FYCO1: variants seen among roughly 807,000 people sequenced by gnomAD.
The protein encoded by FYCO1 is FYVE and coiled-coil domain autophagy adaptor 1.
In FYCO1, 122 loss-of-function variants were observed where a neutral mutation model predicts 165.1. That is an observed-to-expected ratio of 0.74 (90% CI 0.64 to 0.86). The LOEUF (loss-of-function observed/expected upper bound fraction) is 0.86, where lower values mean the gene tolerates loss of function less well. Ranked by LOEUF, FYCO1 falls within the 40% of genes least tolerant of loss-of-function variation. FYCO1 has a pLI of 0.00. For synonymous variants in FYCO1, 648 were observed against 742.5 expected (o/e 0.87, Z 2.07); for missense variants, 1,702 against 1,810.3 (o/e 0.94, Z 1.09).
At chr3:45,961,690 C>G (rs1705702736) in intron 11 of FYCO1, among the ~76,000 whole-genome samples, 1 of 152,046 alleles carries the variant, frequency 6.6e-6, no homozygotes, top group African/African-American at 2.4e-5. Context: ...TCAAAATAAT[C>G]TGGGAAGGTG....
At chr3:45,930,924 G>A (rs963951806) in intron 16 of FYCO1, 147 bp downstream of exon 16, 2 of 774,986 alleles carry the variant, frequency 2.6e-6, no homozygotes, top group Non-Finnish European at 4.5e-6. Context: ...CAGGTGCTCT[G>A]CCTTCTCTGC....
chr3:45,975,416 A>C (rs1706704788), intron 4 of FYCO1, 71 bp from the exon 5 acceptor site: 15 of 1,194,988 alleles, frequency 1.3e-5, no homozygotes, highest in Non-Finnish European at 1.9e-5. Flanking sequence ...GGTCTCATAG[A>C]TGGCTTGTGA....
intron 6 of FYCO1, among the ~76,000 whole-genome samples, chr3:45,970,657 G>A (rs527257396): frequency 1.3e-5 from 2 of 152,188 alleles, no homozygotes; most frequent in Non-Finnish European, 2.9e-5. Context: ...AACTGGCACT[G>A]TTAGCATAAA....
In FYCO1 at chr3:45,967,952, C is replaced by A; in HGVS notation, c.1382G>T (p.Gly461Val). The change falls in exon 8 of 18, where the codon GGG becomes GTG. Residue 461 changes from glycine (G) to valine (V), a missense_variant. Transcript: ENST00000296137. ...EMAPLQEELS[G>V]KGQEADQLWR... The stretch of plus-strand genomic sequence containing the variant: ...GAGCTGGTCTGCCTCCTGTCCCTTC[C>A]CAGACAACTCCTCCTGGAGTGGGGC... 5 of 1,614,142 alleles carry A rather than the reference C, an allele frequency of 3.1e-6. No homozygotes were observed. In the South Asian group the frequency reaches 4.4e-5, roughly 14 times the overall value.
chr3:45,954,143 C>T (rs559616719), intron 14 of FYCO1, among the ~76,000 whole-genome samples: 3 of 152,142 alleles, frequency 2.0e-5, no homozygotes, highest in Non-Finnish European at 2.9e-5. Context: ...GCCCATAGGC[C>T]GCATGCAGCC....
intron 13 of FYCO1, 100 bp from the exon 14 acceptor site, chr3:45,955,493 G>A (rs1394891699): frequency 7.6e-7 from 1 of 1,323,442 alleles, no homozygotes; most frequent in East Asian, 2.3e-5. Context: ...CAGCTATGCA[G>A]AACAAGCTGC....
At chr3:45,951,917 A>G (rs1705056460) in intron 14 of FYCO1, among the ~76,000 whole-genome samples, 1 of 152,208 alleles carries the variant, frequency 6.6e-6, no homozygotes, top group Non-Finnish European at 1.5e-5. Flanking sequence ...AACTGTGTAC[A>G]TGTGCGAAAG....
Position 45,967,484 on chromosome 3 carries a change from G to A in FYCO1, c.1850C>T (p.Ala617Val). 1.2e-6 allele frequency: 2 copies of A among 1,613,620 alleles called. No individual in the cohort carries two copies. Residue 617 changes from alanine (A) to valine (V), a missense_variant, in exon 8 of 18, where the codon GCC becomes GTC. Coordinates refer to ENST00000296137, the MANE Select transcript of FYCO1 (RefSeq NM_024513.4). ...TAGCTCCTTCTCCAGCTCCCTGTTG[G>A]CCTGCCGGAGCTCTTCCTCCTGGCT... ...EGSQEEELRQ[A>V]NRELEKELQN...
intron 16 of FYCO1, among the ~76,000 whole-genome samples, chr3:45,924,525 C>T (rs1354036246): frequency 6.6e-6 from 1 of 152,212 alleles, no homozygotes; most frequent in African/African-American, 2.4e-5. Context: ...CCAGGGCAGG[C>T]TCTTCAACCT....
chr3:45,935,016 C>T (rs776961534), intron 15 of FYCO1, among the ~76,000 whole-genome samples: 1 of 152,202 alleles, frequency 6.6e-6, no homozygotes, highest in Non-Finnish European at 1.5e-5. Flanking sequence ...TTTAATTCTT[C>T]CTGCTTGGTC....
intron 15 of FYCO1, among the ~76,000 whole-genome samples, chr3:45,931,603 C>T (rs1385474096): frequency 6.6e-6 from 1 of 152,218 alleles, no homozygotes; most frequent in African/African-American, 2.4e-5. Flanking sequence ...GCTCCACGGC[C>T]CTCATGGACA....
chr3:45,964,980 C>A lies in FYCO1; in HGVS notation c.3150+53G>T, dbSNP rs1360654112. ...AGGGAGCCCTCTTAAATGGTCCAGTCAAAACCACACCAGATGCCCTCTCCC... is the reference window on the plus strand; with the variant it reads ...AGGGAGCCCTCTTAAATGGTCCAGTAAAAACCACACCAGATGCCCTCTCCC... On this transcript the variant is annotated intron_variant, in intron 9 of 17. Coordinates refer to ENST00000296137, the MANE Select transcript of FYCO1 (RefSeq NM_024513.4). The surrounding 1 kb of genome is among the most constrained non-coding windows in gnomAD (Gnocchi z 4.1). 6.7e-7 allele frequency: 1 copy of A among 1,489,054 alleles called. No homozygotes were observed. Among genetic ancestry groups the A allele is most frequent in the Non-Finnish European group, 9.4e-7 (1 of 1,069,120 alleles). 92.2% of individuals were successfully genotyped at this position (1,489,054 alleles called of 1,614,324 possible).
rs148056092 is a variant in FYCO1 at position 45,971,883 on chromosome 3, C to T, written c.539+1205G>A. Among the ~76,000 whole-genome samples the T allele has an allele frequency of 8.5e-4, 129 of 152,206 alleles. No individual in the cohort carries two copies. In the East Asian group the frequency reaches 0.014, roughly 17 times the overall value. ...ATTAGATAGCAGTATTGTATCAATG[C>T]TAATTTTCTGATTTTAATAACTGTA... On this transcript the variant is annotated intron_variant, in intron 6 of 17. Transcript: ENST00000296137.
At chr3:45,953,353 T>A (rs73830666) in intron 14 of FYCO1, among the ~76,000 whole-genome samples, 3 of 152,164 alleles carry the variant, frequency 2.0e-5, no homozygotes, top group African/African-American at 7.2e-5. Flanking sequence ...GGGACCCACA[T>A]AAATTCTTTC....
intron 1 of FYCO1, among the ~76,000 whole-genome samples, chr3:45,994,281 T>C (rs1221373475): frequency 6.6e-6 from 1 of 151,792 alleles, no homozygotes; most frequent in Non-Finnish European, 1.5e-5. Context: ...CACCATACAA[T>C]CCTTTCAGTG....
At chr3:45,975,421 T>C (rs758688123) in intron 4 of FYCO1, 76 bp from the exon 5 acceptor site, 5 of 1,146,792 alleles carry the variant, frequency 4.4e-6, no homozygotes, top group South Asian at 2.5e-5. Flanking sequence ...CATAGATGGC[T>C]TGTGAAACAC....
chr3:45,937,709 C>T (rs1257049957), intron 14 of FYCO1, among the ~76,000 whole-genome samples: 1 of 152,224 alleles, frequency 6.6e-6, no homozygotes, highest in East Asian at 1.9e-4. Flanking sequence ...GCAGGAAGAA[C>T]GCAGGCTGCA....
Position 45,955,984 on chromosome 3 carries a change from GC to G in FYCO1, c.3800-592del, listed in dbSNP as rs1356980685. ...AGAAATGTTCCTGTACCAGTCATCTGCCCACAAACACTCTCCAGCATATGTC... is the reference window on the plus strand; with the variant it reads ...AGAAATGTTCCTGTACCAGTCATCTGCCACAAACACTCTCCAGCATATGTC... On this transcript the variant is annotated intron_variant, in intron 13 of 17. Transcript: ENST00000296137. Among the ~76,000 whole-genome samples the G allele has an allele frequency of 2.0e-5, 3 of 152,102 alleles. No individual in the cohort carries two copies. In the East Asian group the frequency reaches 5.8e-4, roughly 29 times the overall value.
chr3:45,967,681 A>T lies in FYCO1; in HGVS notation c.1653T>A (p.Gly551=). 6.2e-7 allele frequency: 1 copy of T among 1,613,792 alleles called. No individual in the cohort carries two copies. The highest frequency in any genetic ancestry group is 1.6e-4 in the Middle Eastern group (1 of 6,062). ...GCGGCCCAGCAAGCCGCTCGAGCATACCCACCTGCTGGCTGAGGTGGTCTT... is the reference window on the plus strand; with the variant it reads ...GCGGCCCAGCAAGCCGCTCGAGCATTCCCACCTGCTGGCTGAGGTGGTCTT... ...QDKDHLSQQV[G]MLERLAGPPG... The change falls in exon 8 of 18, where the codon GGT becomes GGA. Residue 551 remains glycine, a synonymous_variant. Coordinates refer to ENST00000296137, the MANE Select transcript of FYCO1 (RefSeq NM_024513.4).
Sources: allele counts gnomAD v4.1 joint callset (sites outside exome capture counted in the v4.1 genomes callset), GRCh38; gene constraint gnomAD v4.1.1; non-coding constraint Gnocchi (gnomAD v3.1); transcripts MANE v1.5; gene names NCBI Gene and HGNC (gene_info 2026-07-23, HGNC 2026-07-21).